The following GTF2IRD1 variants were observed in gnomAD, a reference collection of about 807,000 sequenced individuals.
GTF2IRD1 encodes the protein GTF2I repeat domain containing 1, also known as general transcription factor II-I repeat domain-containing protein 1.
GTF2IRD1 carries 26 observed loss-of-function variants against 113.2 expected under a neutral mutation model. The observed-to-expected ratio is 0.23, with a 90% confidence interval of 0.17 to 0.32. The LOEUF (loss-of-function observed/expected upper bound fraction) is 0.32. Among genes scored for constraint, GTF2IRD1 ranks in the 10% least tolerant of loss-of-function variants. The pLI is 1.00. For missense variants in GTF2IRD1, 864 were observed against 1,280.8 expected (o/e 0.67, Z 4.97); for synonymous variants, 484 against 529.1 (o/e 0.91, Z 1.17).
intron 1 of GTF2IRD1, among the ~76,000 whole-genome samples, chr7:74,481,828 A>G (rs782771954): frequency 6.6e-6 from 1 of 152,218 alleles, no homozygotes; most frequent in Non-Finnish European, 1.5e-5. Context: ...TAAGTCCTGG[A>G]GCGAAGGGTG....
chr7:74,569,143 C>T (rs1448678116), intron 22 of GTF2IRD1, among the ~76,000 whole-genome samples: 3 of 152,170 alleles, frequency 2.0e-5, no homozygotes, highest in Non-Finnish European at 2.9e-5. Context: ...TGCCACACAT[C>T]GGGGGGTCAG....
At chr7:74,567,479 G>A (rs749353525) in intron 22 of GTF2IRD1, among the ~76,000 whole-genome samples, 1 of 152,174 alleles carries the variant, frequency 6.6e-6, no homozygotes, top group Non-Finnish European at 1.5e-5. Flanking sequence ...CTAAGCAACA[G>A]GTTGCAGTGG....
At chr7:74,500,730 T>C (rs1204518124) in intron 1 of GTF2IRD1, among the ~76,000 whole-genome samples, 4 of 152,130 alleles carry the variant, frequency 2.6e-5, no homozygotes, top group African/African-American at 9.7e-5. Flanking sequence ...TTTTTTAAAT[T>C]TTTTATTTTT....
In GTF2IRD1 at chr7:74,479,233, G is replaced by A. The variant is rs540655284; in HGVS notation, c.-7+25057G>A. On this transcript the variant is annotated intron_variant, in intron 1 of 26. Coordinates refer to ENST00000424337, the MANE Select transcript of GTF2IRD1 (RefSeq NM_005685.4). Reference sequence around the variant, plus strand: ...TCTCACCCCTGCCCCACACCCTGCAGCGAGGCTGACCTTCCGAGATCCTTG... The same window carrying A: ...TCTCACCCCTGCCCCACACCCTGCAACGAGGCTGACCTTCCGAGATCCTTG... 1.0e-2 allele frequency among the ~76,000 whole-genome samples: 1,519 copies of A among 152,224 alleles called. 13 individuals are homozygous for A. Among genetic ancestry groups the A allele is most frequent in the Middle Eastern group, 0.024 (7 of 294 alleles).
intron 9 of GTF2IRD1, 46 bp from the exon 10 acceptor site, chr7:74,535,067 C>T: frequency 6.3e-7 from 1 of 1,580,804 alleles, no homozygotes; most frequent in Non-Finnish European, 8.7e-7. Flanking sequence ...CTGGGAGAGT[C>T]CTCCAGCCTG....
intron 1 of GTF2IRD1, among the ~76,000 whole-genome samples, chr7:74,469,977 A>G (rs1793983371): frequency 1.3e-5 from 2 of 151,610 alleles, no homozygotes; most frequent in Non-Finnish European, 2.9e-5. Flanking sequence ...TCATTATACC[A>G]TAAAATTCAC....
At chr7:74,483,721 T>C (rs1275101841) in intron 1 of GTF2IRD1, among the ~76,000 whole-genome samples, 1 of 151,184 alleles carries the variant, frequency 6.6e-6, no homozygotes, top group Non-Finnish European at 1.5e-5. Flanking sequence ...ACAAAACATT[T>C]TTAAAAAAAT....
intron 3 of GTF2IRD1, among the ~76,000 whole-genome samples, chr7:74,514,598 G>T (rs1197390790): frequency 1.3e-5 from 2 of 152,030 alleles, no homozygotes; most frequent in African/African-American, 2.4e-5. Context: ...ATTCCCCAAG[G>T]ATCCACCAAC....
intron 22 of GTF2IRD1, among the ~76,000 whole-genome samples, chr7:74,560,945 AAACCCAGATTTGC>A (rs1367204685): frequency 4.6e-5 from 7 of 152,140 alleles, no homozygotes; most frequent in African/African-American, 1.7e-4. Context: ...CTGGCCTCCC[AAACCCAGATTTGC>A]AGGGGCTGTC....
chr7:74,559,505 C>A, intron 21 of GTF2IRD1, 122 bp from the exon 22 acceptor site: 1 of 783,228 alleles, frequency 1.3e-6, no homozygotes, highest in Non-Finnish European at 2.1e-6. Flanking sequence ...TGTTAAAATG[C>A]AGATTCTGCT....
intron 17 of GTF2IRD1, among the ~76,000 whole-genome samples, chr7:74,550,253 CA>C (rs1289276544): frequency 6.6e-6 from 1 of 151,958 alleles, no homozygotes; most frequent in Non-Finnish European, 1.5e-5. Context: ...TCATGATAGA[CA>C]TATAGCCCAT....
At chr7:74,570,836 C>T (rs1350524929) in intron 22 of GTF2IRD1, among the ~76,000 whole-genome samples, 1 of 152,100 alleles carries the variant, frequency 6.6e-6, no homozygotes, top group African/African-American at 2.4e-5. Context: ...AGAGCCCTGC[C>T]GGTTTTGGAG....
chr7:74,465,642 T>C (rs1328749071), intron 1 of GTF2IRD1, among the ~76,000 whole-genome samples: 1 of 152,178 alleles, frequency 6.6e-6, no homozygotes, highest in African/African-American at 2.4e-5. Context: ...GCTGGCCCTG[T>C]GGGAGCCCCA....
chr7:74,566,419 C>T (rs1258883815), intron 22 of GTF2IRD1, among the ~76,000 whole-genome samples: 1 of 152,150 alleles, frequency 6.6e-6, no homozygotes, highest in African/African-American at 2.4e-5. Context: ...CTCAACTCAC[C>T]GTAACCTCCG....
chr7:74,582,539 A>T (rs1160582529), intron 22 of GTF2IRD1, among the ~76,000 whole-genome samples: 1 of 152,158 alleles, frequency 6.6e-6, no homozygotes, highest in Non-Finnish European at 1.5e-5. Flanking sequence ...GATGACAGGC[A>T]TGAGCCACTG....
chr7:74,564,269 A>C (rs1476065075), intron 22 of GTF2IRD1, among the ~76,000 whole-genome samples: 4 of 152,098 alleles, frequency 2.6e-5, no homozygotes, highest in African/African-American at 9.7e-5. Flanking sequence ...TCAGGTGATC[A>C]GCCCGCCTCA....
At chr7:74,483,383 A>C (rs553144533) in intron 1 of GTF2IRD1, among the ~76,000 whole-genome samples, 3,314 of 151,990 alleles carry the variant, frequency 0.022, 116 homozygotes, top group African/African-American at 0.075. Context: ...AAAAAAAAAA[A>C]AATTTTTTTT....
chr7:74,598,476 G>A (rs1179837636), intron 25 of GTF2IRD1, among the ~76,000 whole-genome samples: 4 of 151,840 alleles, frequency 2.6e-5, no homozygotes, highest in African/African-American at 9.7e-5. Flanking sequence ...ATTAGCCGGG[G>A]GTGGTGGTGG....
chr7:74,600,385 C>T (rs1554373576), intron 25 of GTF2IRD1, among the ~76,000 whole-genome samples: 1 of 151,968 alleles, frequency 6.6e-6, no homozygotes, highest in Non-Finnish European at 1.5e-5. Flanking sequence ...CACCATGGCA[C>T]TCCAGCCTGG....
Sources: gnomAD v4.1 joint callset for allele counts (sites outside exome capture counted in the v4.1 genomes callset) on GRCh38, gnomAD v4.1.1 for gene constraint, MANE v1.5 for transcripts, NCBI Gene and HGNC (gene_info 2026-07-23, HGNC 2026-07-21) for gene names.